Variants in ERG observed in about 807,000 individuals in gnomAD.
ERG encodes the protein transcriptional regulator ERG.
In ERG, 9 loss-of-function variants were observed where a neutral mutation model predicts 55.3. That is an observed-to-expected ratio of 0.16 (90% CI 0.10 to 0.28). The LOEUF is 0.28. Among genes scored for constraint, ERG ranks in the 10% least tolerant of loss-of-function variants. The pLI is 1.00. For missense variants in ERG, 434 were observed against 631.6 expected (o/e 0.69, Z 3.35); for synonymous variants, 223 against 237.3 (o/e 0.94, Z 0.55).
intron 2 of ERG, among the ~76,000 whole-genome samples, chr21:38,433,446 G>A (rs1569096226): frequency 6.6e-6 from 1 of 152,194 alleles, no homozygotes; most frequent in Non-Finnish European, 1.5e-5. Context: ...CGGGGTTGGT[G>A]GTGGGGACTA....
intron 2 of ERG, among the ~76,000 whole-genome samples, chr21:38,552,532 T>C (rs995068702): frequency 2.0e-5 from 3 of 152,148 alleles, no homozygotes; most frequent in Admixed American, 1.3e-4. Flanking sequence ...GCTCAACATA[T>C]GCAGATCAAT....
At chr21:38,570,308 A>G (rs1294052378) in intron 2 of ERG, among the ~76,000 whole-genome samples, 4 of 152,320 alleles carry the variant, frequency 2.6e-5, no homozygotes, top group African/African-American at 9.6e-5. Context: ...ACCCACTCCA[A>G]TGTGATCTAT....
intron 5 of ERG, 24 bp downstream of exon 5, chr21:38,402,533 A>C (rs757432892): frequency 4.4e-6 from 7 of 1,589,914 alleles, no homozygotes; most frequent in Middle Eastern, 3.3e-4. Flanking sequence ...TCTTGCTGGG[A>C]GGCAGGGGCG....
chr21:38,607,995 G>C (rs1376528379), intron 1 of ERG, among the ~76,000 whole-genome samples: 1 of 152,156 alleles, frequency 6.6e-6, no homozygotes, highest in African/African-American at 2.4e-5. Context: ...CCCAAAACAG[G>C]AGATTGGGAT....
intron 1 of ERG, among the ~76,000 whole-genome samples, chr21:38,619,140 C>A (rs2060275566): frequency 6.6e-6 from 1 of 152,162 alleles, no homozygotes; most frequent in East Asian, 1.9e-4. Context: ...CACACTCTAC[C>A]TGTAGACCGA....
At chr21:38,571,098 C>T (rs904388130) in intron 2 of ERG, among the ~76,000 whole-genome samples, 5 of 151,978 alleles carry the variant, frequency 3.3e-5, no homozygotes, top group South Asian at 4.1e-4. Context: ...TTTTTTTTGT[C>T]GGCTGATGAT....
At position 38,498,298 on chromosome 21, in the gene ERG, A is replaced by C. The variant is rs1178362336; in HGVS notation, c.18+65T>G. 6.9e-7 allele frequency: 1 copy of C among 1,449,048 alleles called. No homozygotes were observed. Among genetic ancestry groups the C allele is most frequent in the Non-Finnish European group, 9.7e-7 (1 of 1,034,180 alleles). The allele number at this position is 1,449,048 out of a possible 1,614,324, so 89.8% of individuals were successfully genotyped here. On this transcript the variant is annotated intron_variant, in intron 1 of 9. Transcript: ENST00000288319. The surrounding 1 kb of genome is among the most constrained non-coding windows in gnomAD (Gnocchi z 4.6). Reference sequence around the variant, plus strand: ...AACCCTAACTTATCTGCCTTGATAAAGGAAACCAAAGAAAAGAGTAACAAG... The same window carrying C: ...AACCCTAACTTATCTGCCTTGATAACGGAAACCAAAGAAAAGAGTAACAAG...
chr21:38,397,430 T>A (rs534410065), intron 6 of ERG, among the ~76,000 whole-genome samples: 2 of 151,312 alleles, frequency 1.3e-5, no homozygotes, highest in Non-Finnish European at 2.9e-5. Context: ...AAACCCTATC[T>A]CTACTAAAAA....
intron 2 of ERG, among the ~76,000 whole-genome samples, chr21:38,430,650 G>A (rs942644575): frequency 6.6e-6 from 1 of 152,188 alleles, no homozygotes; most frequent in South Asian, 2.1e-4. Context: ...GGCCCCAAGA[G>A]GTGGGGGGCT....
intron 2 of ERG, among the ~76,000 whole-genome samples, chr21:38,564,145 T>G (rs2059908758): frequency 6.6e-6 from 1 of 152,004 alleles, no homozygotes; most frequent in African/African-American, 2.4e-5. Context: ...GAAATCCTGA[T>G]GAAGGAAACT....
chr21:38,570,162 T>C (rs1432536621), intron 2 of ERG, among the ~76,000 whole-genome samples: 2 of 152,216 alleles, frequency 1.3e-5, no homozygotes, highest in East Asian at 3.8e-4. Context: ...CTCATGCTCC[T>C]GCCAGCATGG....
chr21:38,387,798 C>A (rs1022956639), intron 9 of ERG, among the ~76,000 whole-genome samples: 38 of 152,218 alleles, frequency 2.5e-4, no homozygotes, highest in Admixed American at 2.5e-3. Context: ...ATGCACCATT[C>A]TAAACGCTTT....
rs374438681 is a variant in ERG at position 38,575,635 on chromosome 21, T to C, written c.-41+27A>G. The C allele has an allele frequency of 2.0e-4, 314 of 1,588,064 alleles. 1 individual carries two copies. Among genetic ancestry groups the C allele is most frequent in the Non-Finnish European group, 2.6e-4 (302 of 1,156,344 alleles). ...ACCTAGGCACAGAGGAAGGCAGAGCTGGCTTCCCAGCCAAGACGGGACTTA... is the reference window on the plus strand; with the variant it reads ...ACCTAGGCACAGAGGAAGGCAGAGCCGGCTTCCCAGCCAAGACGGGACTTA... On this transcript the variant is annotated intron_variant, in intron 2 of 8. Transcript: ENST00000398897.
chr21:38,504,824 G>T (rs2059448360), intron 2 of ERG, among the ~76,000 whole-genome samples: 1 of 152,182 alleles, frequency 6.6e-6, no homozygotes, highest in African/African-American at 2.4e-5. Context: ...ATTCTAGTCA[G>T]AGTTTTAAAT....
intron 1 of ERG, among the ~76,000 whole-genome samples, chr21:38,453,743 G>T (rs899366772): frequency 3.9e-5 from 6 of 152,054 alleles, no homozygotes; most frequent in Non-Finnish European, 8.8e-5. Context: ...AGTTAGCTGG[G>T]TGTGGTGGTG....
intron 2 of ERG, among the ~76,000 whole-genome samples, chr21:38,539,138 T>C (rs538796217): frequency 6.6e-6 from 1 of 152,368 alleles, no homozygotes; most frequent in South Asian, 2.1e-4. Context: ...ATGTGATGTT[T>C]ATCATTCTTC....
chr21:38,431,740 T>C (rs2836389), intron 2 of ERG, among the ~76,000 whole-genome samples: 41,496 of 152,110 alleles, frequency 0.27, 5,769 homozygotes, highest in South Asian at 0.32. Flanking sequence ...TGGGTTAAGC[T>C]TTGAGAGTTT....
chr21:38,513,401 G>A (rs910361842), intron 2 of ERG, among the ~76,000 whole-genome samples: 1 of 152,158 alleles, frequency 6.6e-6, no homozygotes, highest in African/African-American at 2.4e-5. Flanking sequence ...CAGCATGAAA[G>A]GAGCAAGGAG....
chr21:38,502,796 A>G (rs1360210300), upstream of ERG, among the ~76,000 whole-genome samples: 1 of 143,016 alleles, frequency 7.0e-6, no homozygotes, highest in East Asian at 2.0e-4. Context: ...GCGTGATCTC[A>G]GCTCACTGCA....
Sources: gnomAD v4.1 joint callset for allele counts (sites outside exome capture counted in the v4.1 genomes callset) on GRCh38, gnomAD v4.1.1 for gene constraint, Gnocchi (gnomAD v3.1) non-coding constraint, MANE v1.5 for transcripts, NCBI Gene and HGNC (gene_info 2026-07-23, HGNC 2026-07-21) for gene names.